The following WWOX variants were observed in gnomAD, a reference collection of about 807,000 sequenced individuals.
WWOX encodes the protein WW domain containing oxidoreductase.
In WWOX, 69 loss-of-function variants were observed where a neutral mutation model predicts 46.2. The ratio of observed to expected loss-of-function variants is 1.49; its 90% confidence interval spans 1.23 to 1.82. WWOX has a LOEUF of 1.82. Among genes scored for constraint, WWOX ranks in the 40% most tolerant of loss-of-function variants. The probability of loss-of-function intolerance (pLI) is 0.00; values close to 1 mark genes in which losing one functional copy is unlikely to be tolerated. For synonymous variants in WWOX, 359 were observed against 202.6 expected (o/e 1.77, Z -6.56); for missense variants, 919 against 542.6 (o/e 1.69, Z -6.89).
At chr16:78,533,360 G>A (rs895866515) in intron 8 of WWOX, among the ~76,000 whole-genome samples, 10 of 151,710 alleles carry the variant, frequency 6.6e-5, no homozygotes, top group African/African-American at 2.4e-4. Flanking sequence ...GGCCACATTG[G>A]AAGAAAAAGA....
intron 5 of WWOX, among the ~76,000 whole-genome samples, chr16:78,295,740 A>T (rs892352424): frequency 2.0e-5 from 3 of 150,740 alleles, no homozygotes; most frequent in Non-Finnish European, 4.5e-5. Flanking sequence ...AAACAAACAA[A>T]CAAACAAAAA....
intron 8 of WWOX, among the ~76,000 whole-genome samples, chr16:78,695,225 T>C (rs964194504): frequency 2.0e-5 from 3 of 152,074 alleles, no homozygotes; most frequent in African/African-American, 7.2e-5. Flanking sequence ...TTGTTATTAT[T>C]CTATTATTAT....
intron 5 of WWOX, among the ~76,000 whole-genome samples, chr16:78,253,760 C>T (rs1344141281): frequency 2.6e-5 from 4 of 152,308 alleles, no homozygotes; most frequent in Admixed American, 2.0e-4. Context: ...AACAACATGA[C>T]TTTCAACTAA....
intron 8 of WWOX, among the ~76,000 whole-genome samples, chr16:79,159,770 G>A (rs533239215): frequency 1.1e-4 from 17 of 152,226 alleles, no homozygotes; most frequent in African/African-American, 4.1e-4. Context: ...AGAAAAATTT[G>A]TGGAGTGCGA....
At chr16:79,139,888 C>G (rs997407960) in intron 8 of WWOX, among the ~76,000 whole-genome samples, 1 of 152,182 alleles carries the variant, frequency 6.6e-6, no homozygotes, top group Non-Finnish European at 1.5e-5. Context: ...ACCCAAGACC[C>G]TCCCCATAAA....
At chr16:78,110,122 C>T (rs1239372719) in intron 3 of WWOX, among the ~76,000 whole-genome samples, 1 of 151,610 alleles carries the variant, frequency 6.6e-6, no homozygotes, top group African/African-American at 2.4e-5. Flanking sequence ...TGGGTGGATC[C>T]TGAGGTCAAG....
intron 8 of WWOX, among the ~76,000 whole-genome samples, chr16:78,620,805 A>G (rs186490360): frequency 1.2e-3 from 190 of 152,254 alleles, no homozygotes; most frequent in African/African-American, 4.3e-3. Context: ...TCACTACTAT[A>G]AAGACATACT....
At chr16:79,023,968 A>AAAG (rs1352151962) in intron 8 of WWOX, among the ~76,000 whole-genome samples, 1 of 110,202 alleles carries the variant, frequency 9.1e-6, no homozygotes, top group Non-Finnish European at 1.9e-5. Context: ...AACAAACAAA[A>AAAG]AAAACATTAT....
intron 8 of WWOX, among the ~76,000 whole-genome samples, chr16:78,785,908 A>T (rs1434292822): frequency 6.6e-6 from 1 of 151,874 alleles, no homozygotes; most frequent in Non-Finnish European, 1.5e-5. Flanking sequence ...TTTCTTTTTT[A>T]TTTTATTTTA....
intron 8 of WWOX, among the ~76,000 whole-genome samples, chr16:78,759,740 A>G (rs953403986): frequency 6.6e-6 from 1 of 152,172 alleles, no homozygotes; most frequent in Admixed American, 6.5e-5. Flanking sequence ...GTTAGCACAA[A>G]TGCAGAGGCT....
At chr16:78,500,211 A>T (rs570793398) in intron 8 of WWOX, among the ~76,000 whole-genome samples, 51 of 152,272 alleles carry the variant, frequency 3.3e-4, no homozygotes, top group African/African-American at 1.1e-3. Flanking sequence ...TGTGTGTGTG[A>T]CTTTGTGCAG....
intron 8 of WWOX, among the ~76,000 whole-genome samples, chr16:79,024,487 G>C (rs1338918243): frequency 6.6e-6 from 1 of 152,062 alleles, no homozygotes; most frequent in Admixed American, 6.6e-5. Flanking sequence ...AGGCTGGAGT[G>C]CAGTGGTGCT....
chr16:78,421,877 A>G (rs556342903), intron 6 of WWOX, among the ~76,000 whole-genome samples: 4 of 152,324 alleles, frequency 2.6e-5, no homozygotes, highest in Non-Finnish European at 5.9e-5. Context: ...GCTTGGAAAC[A>G]GGATTACTTG....
At chr16:79,048,664 A>C (rs1383278486) in intron 8 of WWOX, among the ~76,000 whole-genome samples, 1 of 152,170 alleles carries the variant, frequency 6.6e-6, no homozygotes, top group Non-Finnish European at 1.5e-5. Context: ...TCAATTGCTT[A>C]TTTGAGTAAA....
chr16:79,162,188 A>G (rs1378866890), intron 8 of WWOX, among the ~76,000 whole-genome samples: 2 of 152,044 alleles, frequency 1.3e-5, no homozygotes, highest in African/African-American at 2.4e-5. Context: ...ATATTTTTAT[A>G]TTTGCCTTTG....
chr16:78,567,202 T>C (rs2044590649), intron 8 of WWOX, among the ~76,000 whole-genome samples: 1 of 152,172 alleles, frequency 6.6e-6, no homozygotes, highest in Non-Finnish European at 1.5e-5. Flanking sequence ...GTCCTGACGC[T>C]TTCCCAAAGC....
rs1406504572 is a variant in WWOX, at chr16:78,619,212, T to C, written c.1056+186460T>C. Among the ~76,000 whole-genome samples the C allele has an allele frequency of 2.1e-4, 15 of 72,172 alleles. 1 individual carries two copies. In the East Asian group the frequency reaches 6.8e-3, roughly 33 times the overall value. The allele number at this position is 72,172 out of a possible 152,430, so 47.3% of individuals were successfully genotyped here. ...ATATATATATATATATATATATATATATGTAGCCATGCATGGGGGCCTGCC... is the reference window on the plus strand; with the variant it reads ...ATATATATATATATATATATATATACATGTAGCCATGCATGGGGGCCTGCC... On this transcript the variant is annotated intron_variant, in intron 8 of 8. Transcript: ENST00000566780.
intron 5 of WWOX, among the ~76,000 whole-genome samples, chr16:78,257,048 G>A (rs533864396): frequency 4.6e-5 from 7 of 152,080 alleles, no homozygotes; most frequent in African/African-American, 9.6e-5. Flanking sequence ...TTTACATTTC[G>A]CAGCAATCAG....
chr16:78,697,800 C>G (rs894093723), intron 8 of WWOX, among the ~76,000 whole-genome samples: 1 of 152,096 alleles, frequency 6.6e-6, no homozygotes, highest in African/African-American at 2.4e-5. Flanking sequence ...AGGGTTTAAT[C>G]CCATCCTAAG....
Sources: gnomAD v4.1 joint callset for allele counts (sites outside exome capture counted in the v4.1 genomes callset) on GRCh38, gnomAD v4.1.1 for gene constraint, MANE v1.5 for transcripts, NCBI Gene and HGNC (gene_info 2026-07-23, HGNC 2026-07-21) for gene names.